HPSE2: variants seen among roughly 807,000 people sequenced by gnomAD.
The protein encoded by HPSE2 is heparanase 2 (inactive).
In HPSE2, 38 loss-of-function variants were observed where a neutral mutation model predicts 60.5. The ratio of observed to expected loss-of-function variants is 0.63; its 90% CI spans 0.48 to 0.82. The LOEUF (loss-of-function observed/expected upper bound fraction) is 0.82, where lower values mean the gene tolerates loss of function less well. Among genes scored for constraint, HPSE2 ranks in the 40% least tolerant of loss-of-function variants. HPSE2 has a pLI of 0.00. For synonymous variants in HPSE2, 295 were observed against 293.2 expected, an observed-to-expected ratio of 1.01 and a Z score of -0.06; for missense variants, 713 against 740.4, an observed-to-expected ratio of 0.96 and a Z score of 0.43.
At chr10:98,928,898 G>GTCAT (rs1564663942) in intron 3 of HPSE2, among the ~76,000 whole-genome samples, 1 of 138,130 alleles carries the variant, frequency 7.2e-6, no homozygotes, top group East Asian at 2.1e-4. Context: ...AGATGACGAG[G>GTCAT]TAGTGGGTGC....
intron 6 of HPSE2, among the ~76,000 whole-genome samples, chr10:98,649,475 T>C (rs1242816424): frequency 2.6e-5 from 4 of 152,198 alleles, no homozygotes; most frequent in African/African-American, 7.2e-5. Flanking sequence ...CTTTGTACTT[T>C]GATCTGCCAA....
intron 9 of HPSE2, among the ~76,000 whole-genome samples, chr10:98,597,123 A>G (rs939737838): frequency 1.6e-4 from 24 of 152,194 alleles, no homozygotes; most frequent in Middle Eastern, 3.4e-3. Flanking sequence ...AGCATGGGGG[A>G]AACTGCCCCC....
In HPSE2 at chr10:98,483,693, C is replaced by A. The variant is rs78029362; in HGVS notation, c.1467-911G>T. ...TAGGCAGAAGCTTTAGGACTCAGCC[C>A]ATCTTTTGCCATGTTTCATTTCCCT... is the stretch of plus-strand genomic sequence containing the variant. On this transcript the variant is annotated intron_variant, in intron 10 of 11. Coordinates refer to ENST00000370552, the MANE Select transcript of HPSE2 (RefSeq NM_021828.5). Among the ~76,000 whole-genome samples, 701 of 152,334 alleles carry A rather than the reference C, an allele frequency of 4.6e-3. 6 individuals carry two copies. The highest frequency in any genetic ancestry group is 0.017 in the Middle Eastern group (5 of 294).
chr10:98,997,423 A>G (rs1037140139), intron 3 of HPSE2, among the ~76,000 whole-genome samples: 1 of 151,776 alleles, frequency 6.6e-6, no homozygotes, highest in African/African-American at 2.4e-5. Context: ...GCCAAAACAG[A>G]CCTTTCTACT....
At chr10:99,122,967 A>G (rs1314034811) in intron 3 of HPSE2, among the ~76,000 whole-genome samples, 3 of 152,146 alleles carry the variant, frequency 2.0e-5, no homozygotes, top group Non-Finnish European at 2.9e-5. Flanking sequence ...AATAGGTACA[A>G]ATACATGTGG....
At chr10:98,564,340 T>A (rs755626713) in intron 9 of HPSE2, among the ~76,000 whole-genome samples, 1 of 152,222 alleles carries the variant, frequency 6.6e-6, no homozygotes, top group Non-Finnish European at 1.5e-5. Context: ...TCTTTAAATA[T>A]GTGTAATAGT....
the HPSE2 span, among the ~76,000 whole-genome samples, chr10:99,281,210 A>T: frequency 1.3e-5 from 2 of 148,976 alleles, no homozygotes; most frequent in Non-Finnish European, 3.0e-5. Context: ...ACATCTTATT[A>T]ATTTTAAGTA....
chr10:98,899,751 G>A (rs1455067905), intron 3 of HPSE2, among the ~76,000 whole-genome samples: 1 of 130,566 alleles, frequency 7.7e-6, no homozygotes, highest in Non-Finnish European at 1.6e-5. Flanking sequence ...AAATATTTTG[G>A]CAGTGTCTTT....
At chr10:98,748,297 A>C (rs1949674865) in intron 3 of HPSE2, among the ~76,000 whole-genome samples, 1 of 152,084 alleles carries the variant, frequency 6.6e-6, no homozygotes, top group Non-Finnish European at 1.5e-5. Flanking sequence ...AAGAGTGAAA[A>C]TCCGTCTCAA....
intron 3 of HPSE2, among the ~76,000 whole-genome samples, chr10:98,964,181 C>T (rs2135244627): frequency 6.6e-6 from 1 of 152,238 alleles, no homozygotes; most frequent in South Asian, 2.1e-4. Context: ...ACTGCCCACC[C>T]TTTCCTAAAT....
chr10:98,824,142 A>G (rs1197803112), intron 3 of HPSE2, among the ~76,000 whole-genome samples: 1 of 152,210 alleles, frequency 6.6e-6, no homozygotes, highest in Admixed American at 6.5e-5. Flanking sequence ...AAAAGAGTGT[A>G]TACTGTATGA....
At chr10:99,059,260 A>G (rs1296586165) in intron 3 of HPSE2, among the ~76,000 whole-genome samples, 2 of 152,224 alleles carry the variant, frequency 1.3e-5, no homozygotes, top group Non-Finnish European at 2.9e-5. Flanking sequence ...GGTTGCAGTA[A>G]GAGTCTTACA....
chr10:99,205,356 A>C lies in HPSE2; in HGVS notation c.448+26992T>G, dbSNP rs528393982. On this transcript the variant is annotated intron_variant, in intron 2 of 11. Coordinates refer to ENST00000370552, the MANE Select transcript of HPSE2 (RefSeq NM_021828.5). ...ATAATCCCAGCACTTTGGGAGGCTG[A>C]GGCGAGTGGATCATGAGGTCAGGAG... Among the ~76,000 whole-genome samples the C allele has an allele frequency of 7.9e-5, 12 of 152,328 alleles. No homozygotes were observed. In the South Asian group the frequency reaches 1.5e-3, roughly 18 times the overall value.
At chr10:98,496,091 T>A (rs1941828767) in intron 9 of HPSE2, among the ~76,000 whole-genome samples, 1 of 151,870 alleles carries the variant, frequency 6.6e-6, no homozygotes, top group Non-Finnish European at 1.5e-5. Flanking sequence ...ATGTGTGTGT[T>A]TAATTATTGT....
chr10:99,010,856 CT>C (rs960810113), intron 3 of HPSE2, among the ~76,000 whole-genome samples: 10 of 151,170 alleles, frequency 6.6e-5, no homozygotes, highest in African/African-American at 2.2e-4. Flanking sequence ...AATCATCAGT[CT>C]TTTTTTTTAA....
chr10:98,875,803 C>T (rs754030175), intron 3 of HPSE2, among the ~76,000 whole-genome samples: 8 of 151,970 alleles, frequency 5.3e-5, no homozygotes, highest in Non-Finnish European at 1.0e-4. Context: ...CTTGGTTTGG[C>T]ACTAGGTGAT....
At chr10:98,725,895 T>C (rs1348498456) in intron 4 of HPSE2, among the ~76,000 whole-genome samples, 1 of 152,174 alleles carries the variant, frequency 6.6e-6, no homozygotes, top group African/African-American at 2.4e-5. Context: ...ATGCTCACCA[T>C]CACTGGCCAT....
chr10:99,175,564 T>G (rs1173990427), intron 2 of HPSE2, among the ~76,000 whole-genome samples: 2 of 152,176 alleles, frequency 1.3e-5, no homozygotes, highest in Non-Finnish European at 2.9e-5. Context: ...CCATATTGCC[T>G]CTCTAGATTC....
chr10:98,495,346 G>A (rs985035795), intron 9 of HPSE2, among the ~76,000 whole-genome samples: 2 of 152,114 alleles, frequency 1.3e-5, no homozygotes, highest in Admixed American at 6.5e-5. Context: ...GATTAAAAGT[G>A]TCTTGGTGTG....
Sources: gnomAD v4.1 joint callset for allele counts (sites outside exome capture counted in the v4.1 genomes callset) on GRCh38, gnomAD v4.1.1 for gene constraint, MANE v1.5 for transcripts, NCBI Gene and HGNC (gene_info 2026-07-23, HGNC 2026-07-21) for gene names.